FTO: variants seen among roughly 807,000 people sequenced by gnomAD.
FTO encodes the protein alpha-ketoglutarate-dependent dioxygenase FTO.
FTO carries 47 observed loss-of-function variants against 63.9 expected under a neutral mutation model. The ratio of observed to expected loss-of-function variants is 0.74; its 90% confidence interval spans 0.58 to 0.94. FTO has a LOEUF of 0.94. FTO is among the 40% of genes least tolerant of loss of function. FTO has a pLI of 0.00. For synonymous variants in FTO, 207 were observed against 224.4 expected (o/e 0.92, Z 0.69); for missense variants, 562 against 618.1 (o/e 0.91, Z 0.96).
At chr16:54,076,419 G>A (rs1191570879) in intron 8 of FTO, among the ~76,000 whole-genome samples, 3 of 152,062 alleles carry the variant, frequency 2.0e-5, no homozygotes, top group Admixed American at 2.0e-4. Context: ...GCAGAAATGG[G>A]CAACATTTGA....
intron 8 of FTO, among the ~76,000 whole-genome samples, chr16:54,057,660 A>T (rs1403902641): frequency 8.7e-5 from 13 of 149,864 alleles, no homozygotes; most frequent in African/African-American, 1.5e-4. Flanking sequence ...TTTGGTAGAG[A>T]TGGGGTTTCA....
intron 8 of FTO, among the ~76,000 whole-genome samples, chr16:53,972,836 C>G (rs2083358053): frequency 1.3e-5 from 2 of 152,192 alleles, no homozygotes; most frequent in African/African-American, 4.8e-5. Flanking sequence ...GGGAAATTCT[C>G]TTAATGGAAT....
chr16:53,762,526 C>T (rs1745930598), intron 1 of FTO, among the ~76,000 whole-genome samples: 1 of 152,052 alleles, frequency 6.6e-6, no homozygotes, highest in African/African-American at 2.4e-5. Flanking sequence ...ACAATATAAG[C>T]ACCGAGTGAA....
At chr16:54,003,099 T>C (rs1479276260) in intron 8 of FTO, among the ~76,000 whole-genome samples, 1 of 152,218 alleles carries the variant, frequency 6.6e-6, no homozygotes, top group East Asian at 1.9e-4. Flanking sequence ...TGACCCCTTA[T>C]GGAATTCTGG....
At position 53,774,762 on chromosome 16, in the gene FTO, G is replaced by A. The variant is rs186795400; in HGVS notation, c.46-35378G>A. Among the ~76,000 whole-genome samples the A allele has an allele frequency of 1.4e-4, 22 of 152,240 alleles. No individual in the cohort carries two copies. The East Asian group carries it at 4.1e-3, about 28-fold the overall frequency. On this transcript the variant is annotated intron_variant, in intron 1 of 8. Coordinates refer to ENST00000471389, the MANE Select transcript of FTO (RefSeq NM_001080432.3). ...TATTACAGATTGGCTTGCCAGGGTA[G>A]CCGCTCATCTGTCACACTCGGGAAG...
chr16:53,969,813 C>T (rs1035804976), intron 8 of FTO, among the ~76,000 whole-genome samples: 3 of 152,210 alleles, frequency 2.0e-5, no homozygotes, highest in African/African-American at 7.2e-5. Context: ...CCTGCTCTAT[C>T]TCTGTCTCAG....
At chr16:53,961,479 A>G (rs1444031723) in intron 8 of FTO, among the ~76,000 whole-genome samples, 4 of 152,214 alleles carry the variant, frequency 2.6e-5, no homozygotes, top group South Asian at 4.1e-4. Flanking sequence ...TTATTATTTC[A>G]TATACTAAAT....
chr16:54,007,075 T>G (rs1402017899), intron 8 of FTO, among the ~76,000 whole-genome samples: 2 of 152,188 alleles, frequency 1.3e-5, no homozygotes, highest in East Asian at 1.9e-4. Context: ...ATTTGCTTAG[T>G]GAAATACAAA....
chr16:53,758,785 C>A (rs2076981264), intron 1 of FTO, among the ~76,000 whole-genome samples: 1 of 152,020 alleles, frequency 6.6e-6, no homozygotes, highest in Non-Finnish European at 1.5e-5. Flanking sequence ...AATTAATATT[C>A]CCAGAGAGAT....
chr16:54,064,622 G>T (rs2085673270), intron 8 of FTO, among the ~76,000 whole-genome samples: 1 of 152,156 alleles, frequency 6.6e-6, no homozygotes, highest in Admixed American at 6.5e-5. Context: ...GGGGAATGGG[G>T]CAGGGAGAGA....
At chr16:53,775,479 CATATT>C (rs1299153403) in intron 1 of FTO, among the ~76,000 whole-genome samples, 4 of 152,118 alleles carry the variant, frequency 2.6e-5, no homozygotes, top group Non-Finnish European at 5.9e-5. Context: ...TCACCGTAAC[CATATT>C]ATAAGTAGAT....
At chr16:53,818,451 T>C (rs1286286743) in intron 2 of FTO, among the ~76,000 whole-genome samples, 1 of 152,144 alleles carries the variant, frequency 6.6e-6, no homozygotes, top group Non-Finnish European at 1.5e-5. Context: ...AAGAATCTCT[T>C]GGCAAATATA....
chr16:53,850,861 G>A (rs1443047764), intron 4 of FTO, among the ~76,000 whole-genome samples: 1 of 151,976 alleles, frequency 6.6e-6, no homozygotes, highest in Non-Finnish European at 1.5e-5. Context: ...ATCTCTGAAC[G>A]TACTAAAATA....
At chr16:53,880,078 T>TC in intron 6 of FTO, 91 bp downstream of exon 6, 2 of 922,964 alleles carry the variant, frequency 2.2e-6, no homozygotes, top group South Asian at 2.8e-5. Flanking sequence ...CACTACAACC[T>TC]CCATCTCCCA....
chr16:53,846,346 C>G (rs1004119119), intron 4 of FTO, among the ~76,000 whole-genome samples: 2 of 151,936 alleles, frequency 1.3e-5, no homozygotes, highest in African/African-American at 4.8e-5. Flanking sequence ...TTTTGTACCA[C>G]GCAAATACAG....
At chr16:54,017,315 A>T (rs777668305) in intron 8 of FTO, among the ~76,000 whole-genome samples, 1 of 152,200 alleles carries the variant, frequency 6.6e-6, no homozygotes, top group African/African-American at 2.4e-5. Context: ...GTCATTAACA[A>T]TGAAGCAAGC....
At chr16:54,073,718 G>T (rs1236591500) in intron 8 of FTO, among the ~76,000 whole-genome samples, 1 of 151,866 alleles carries the variant, frequency 6.6e-6, no homozygotes, top group Non-Finnish European at 1.5e-5. Context: ...AAAGTGTTGG[G>T]ATTACAAGCA....
intron 8 of FTO, among the ~76,000 whole-genome samples, chr16:53,942,684 G>A (rs1404771068): frequency 6.6e-6 from 1 of 152,110 alleles, no homozygotes; most frequent in Non-Finnish European, 1.5e-5. Flanking sequence ...TTGGTGATTC[G>A]GCATGTGGAC....
intron 7 of FTO, among the ~76,000 whole-genome samples, chr16:53,916,199 A>G (rs1598983574): frequency 6.6e-6 from 1 of 152,218 alleles, no homozygotes; most frequent in Admixed American, 6.5e-5. Flanking sequence ...AATGTAGTTT[A>G]TAACTCTGGA....
Sources: gnomAD v4.1 joint callset for allele counts (sites outside exome capture counted in the v4.1 genomes callset) on GRCh38, gnomAD v4.1.1 for gene constraint, MANE v1.5 for transcripts, NCBI Gene and HGNC (gene_info 2026-07-23, HGNC 2026-07-21) for gene names.